Variants in ST3GAL3 observed in about 807,000 individuals in gnomAD.
ST3GAL3 encodes the protein ST3 beta-galactoside alpha-2,3-sialyltransferase 3, also known as CMP-N-acetylneuraminate-beta-1,4-galactoside alpha-2,3-sialyltransferase.
ST3GAL3 carries 21 observed loss-of-function variants against 50.1 expected under a neutral mutation model. That is an observed-to-expected ratio of 0.42 (90% CI 0.30 to 0.60). ST3GAL3 has a LOEUF of 0.60. ST3GAL3 is among the 20% of genes least tolerant of loss of function. The pLI is 0.19. For missense variants in ST3GAL3, 353 were observed against 489.4 expected (o/e 0.72, Z 2.63); for synonymous variants, 183 against 190.0 (o/e 0.96, Z 0.30).
At chr1:43,724,808 C>T (rs1414765351) in intron 1 of ST3GAL3, among the ~76,000 whole-genome samples, 1 of 152,140 alleles carries the variant, frequency 6.6e-6, no homozygotes, top group Non-Finnish European at 1.5e-5. Flanking sequence ...CCACCTCTCA[C>T]AGTTTTAGGG....
intron 2 of ST3GAL3, among the ~76,000 whole-genome samples, chr1:43,782,748 C>T (rs1029554502): frequency 2.6e-5 from 4 of 151,956 alleles, no homozygotes; most frequent in Admixed American, 6.5e-5. Context: ...ATGACATGGC[C>T]TTATGAGGTG....
At chr1:43,923,780 A>T (rs1311507228) in intron 11 of ST3GAL3, among the ~76,000 whole-genome samples, 1 of 151,662 alleles carries the variant, frequency 6.6e-6, no homozygotes, top group African/African-American at 2.4e-5. Flanking sequence ...CACCTGGCTA[A>T]TTTTTTTTAT....
At chr1:43,908,477 G>A (rs537208598) in intron 9 of ST3GAL3, among the ~76,000 whole-genome samples, 34 of 152,270 alleles carry the variant, frequency 2.2e-4, no homozygotes, top group African/African-American at 8.2e-4. Context: ...GAGAAACTCT[G>A]GTTGGGCCCA....
chr1:43,904,899 CCCT>C (rs2078959720), intron 9 of ST3GAL3, among the ~76,000 whole-genome samples: 4 of 146,886 alleles, frequency 2.7e-5, no homozygotes, highest in Non-Finnish European at 4.5e-5. Context: ...CTCTTCCTCC[CCCT>C]CCTCCTGCTC....
chr1:43,789,274 A>C (rs2057744566), intron 2 of ST3GAL3, among the ~76,000 whole-genome samples: 1 of 152,182 alleles, frequency 6.6e-6, no homozygotes, highest in African/African-American at 2.4e-5. Context: ...GATGATAGGC[A>C]CATGTCCAGA....
chr1:43,921,814 G>A (rs1452311846), intron 11 of ST3GAL3: 6 of 398,576 alleles, frequency 1.5e-5, no homozygotes, highest in Non-Finnish European at 2.2e-5. Context: ...GCTCTGCACT[G>A]TACTCCCACT....
intron 2 of ST3GAL3, among the ~76,000 whole-genome samples, chr1:43,766,218 C>T (rs1692902627): frequency 6.6e-6 from 1 of 152,116 alleles, no homozygotes; most frequent in South Asian, 2.1e-4. Context: ...CTTCTTCTGT[C>T]AGTCTATGAG....
intron 2 of ST3GAL3, among the ~76,000 whole-genome samples, chr1:43,777,906 G>A (rs1275979045): frequency 6.6e-6 from 1 of 152,130 alleles, no homozygotes; most frequent in Admixed American, 6.5e-5. Flanking sequence ...AATACCATTT[G>A]ACCCAGCAAT....
intron 2 of ST3GAL3, among the ~76,000 whole-genome samples, chr1:43,759,061 GCGCGCA>G (rs906283747): frequency 3.9e-5 from 3 of 76,524 alleles, no homozygotes; most frequent in African/African-American, 2.6e-4. Flanking sequence ...AAACAAAAGC[GCGCGCA>G]CACACACACA....
At chr1:43,861,026 C>T (rs1558622108) in intron 5 of ST3GAL3, among the ~76,000 whole-genome samples, 1 of 152,204 alleles carries the variant, frequency 6.6e-6, no homozygotes, top group Non-Finnish European at 1.5e-5. Flanking sequence ...TGTGGCTTGA[C>T]CTTGTGTGCC....
chr1:43,802,969 G>T (rs2059472352), intron 3 of ST3GAL3, among the ~76,000 whole-genome samples: 1 of 152,076 alleles, frequency 6.6e-6, no homozygotes, highest in Admixed American at 6.6e-5. Context: ...GTCTCACTCT[G>T]TCGCCCAGTG....
At chr1:43,741,293 A>G (rs1265322430) in intron 2 of ST3GAL3, among the ~76,000 whole-genome samples, 1 of 152,214 alleles carries the variant, frequency 6.6e-6, no homozygotes, top group African/African-American at 2.4e-5. Context: ...TGGTCACGCC[A>G]CTGTACTCCA....
chr1:43,772,192 G>A (rs967942872), intron 2 of ST3GAL3: 2 of 394,040 alleles, frequency 5.1e-6, no homozygotes, highest in Non-Finnish European at 8.9e-6. Flanking sequence ...TGGGATTACA[G>A]GCATGCACCA....
At chr1:43,914,550 T>C (rs761632156) in intron 9 of ST3GAL3, 2 of 152,220 alleles carry the variant, frequency 1.3e-5, no homozygotes, top group African/African-American at 4.8e-5. Flanking sequence ...TGCTTGACCT[T>C]GAACGTATCG....
At chr1:43,883,211 C>G (rs2075441558) in intron 5 of ST3GAL3, among the ~76,000 whole-genome samples, 1 of 152,148 alleles carries the variant, frequency 6.6e-6, no homozygotes, top group African/African-American at 2.4e-5. Flanking sequence ...TCAAACAGTT[C>G]TCCCACCTCA....
At chr1:43,916,682 G>A (rs1014942739) in intron 9 of ST3GAL3, 5 of 151,968 alleles carry the variant, frequency 3.3e-5, no homozygotes, top group Admixed American at 2.0e-4. Flanking sequence ...TCCTGAACTC[G>A]AGTGATTCTT....
At chr1:43,839,615 T>C (rs569160184) in intron 5 of ST3GAL3, 1 of 152,374 alleles carries the variant, frequency 6.6e-6, no homozygotes, top group African/African-American at 2.4e-5. Context: ...AACATAACTG[T>C]ATTTAATATT....
intron 3 of ST3GAL3, among the ~76,000 whole-genome samples, chr1:43,797,323 A>T (rs1178983021): frequency 6.6e-6 from 1 of 152,192 alleles, no homozygotes; most frequent in Admixed American, 6.5e-5. Flanking sequence ...CAACAGAGAA[A>T]ATCTTTTAAA....
intron 5 of ST3GAL3, among the ~76,000 whole-genome samples, chr1:43,859,173 G>T (rs1231437185): frequency 6.6e-6 from 1 of 152,158 alleles, no homozygotes; most frequent in Non-Finnish European, 1.5e-5. Flanking sequence ...ACACACACCT[G>T]ACAGTTGGCA....
Sources: gnomAD v4.1 joint callset for allele counts (sites outside exome capture counted in the v4.1 genomes callset) on GRCh38, gnomAD v4.1.1 for gene constraint, MANE v1.5 for transcripts, NCBI Gene and HGNC (gene_info 2026-07-23, HGNC 2026-07-21) for gene names.